The following PPP1R8 variants were observed in gnomAD, a reference collection of about 807,000 sequenced individuals.
The protein encoded by PPP1R8 is nuclear inhibitor of protein phosphatase 1.
PPP1R8 carries 4 observed loss-of-function variants against 31.3 expected under a neutral mutation model. The observed-to-expected ratio is 0.13, with a 90% CI of 0.06 to 0.29. The LOEUF (loss-of-function observed/expected upper bound fraction) is 0.29, where lower values mean the gene tolerates loss of function less well. PPP1R8 is among the 10% of genes least tolerant of loss of function. The pLI is 1.00. For synonymous variants in PPP1R8, 170 were observed against 169.7 expected, an observed-to-expected ratio of 1.00 and a Z score of -0.01; for missense variants, 254 against 440.1, an observed-to-expected ratio of 0.58 and a Z score of 3.78.
intron 6 of PPP1R8, among the ~76,000 whole-genome samples, chr1:27,848,984 C>T (rs762041634): frequency 2.6e-5 from 4 of 152,194 alleles, no homozygotes; most frequent in Admixed American, 1.3e-4. Flanking sequence ...AAAGTTGCCT[C>T]GTAGCCCTTT....
chr1:27,845,389 CAA>C (rs1207406108), intron 5 of PPP1R8, among the ~76,000 whole-genome samples: 3 of 124,000 alleles, frequency 2.4e-5, no homozygotes, highest in East Asian at 2.2e-4. Flanking sequence ...GACTCCGTTT[CAA>C]AAAAAAAAAA....
chr1:27,838,666 A>T (rs892539674), intron 2 of PPP1R8, 33 bp from the exon 3 acceptor site: 1 of 1,359,710 alleles, frequency 7.4e-7, no homozygotes, highest in Non-Finnish European at 9.8e-7. Context: ...TTGAAACAAG[A>T]TTTAAGTAAT....
intron 2 of PPP1R8, chr1:27,834,694 C>T: frequency 2.8e-6 from 1 of 354,538 alleles, no homozygotes; most frequent in Non-Finnish European, 5.6e-6. Flanking sequence ...TTCCTTGGTT[C>T]TAAGACATAC....
At chr1:27,831,235 T>G (rs1006108985) in intron 1 of PPP1R8, 5 of 1,058,526 alleles carry the variant, frequency 4.7e-6, no homozygotes, top group Non-Finnish European at 5.7e-6. Flanking sequence ...GCATCGCATC[T>G]GGCCCCTTCC....
In PPP1R8 at chr1:27,850,454, G is replaced by A. The variant is rs776673307; in HGVS notation, c.*8G>A. On this transcript the variant is annotated 3_prime_UTR_variant, in exon 7 of 7. Coordinates refer to ENST00000311772, the MANE Select transcript of PPP1R8 (RefSeq NM_014110.5). ...CCTTCCTTGCTGATTTGATATTTTTGGTCATGGAGAAGGGTGGGATTGGGT... is the reference window on the plus strand; with the variant it reads ...CCTTCCTTGCTGATTTGATATTTTTAGTCATGGAGAAGGGTGGGATTGGGT... 1 of 1,508,986 alleles carries A rather than the reference G, an allele frequency of 6.6e-7. No homozygotes were observed. Among genetic ancestry groups the A allele is most frequent in the Non-Finnish European group, 9.0e-7 (1 of 1,105,576 alleles). 93.5% of individuals were successfully genotyped at this position (1,508,986 alleles called of 1,614,324 possible). A position where few individuals can be genotyped will look rare whatever the true frequency, so the allele number is the denominator to read the frequency against.
chr1:27,836,453 T>A (rs944357186), intron 2 of PPP1R8, among the ~76,000 whole-genome samples: 3 of 152,204 alleles, frequency 2.0e-5, no homozygotes, highest in African/African-American at 7.2e-5. Context: ...TCTTGCTCTG[T>A]CGCCCAGGCT....
In PPP1R8 at chr1:27,850,805, G is replaced by A; in HGVS notation, c.*359G>A. The A allele has an allele frequency of 5.4e-6, 1 of 184,490 alleles. No homozygotes were observed. The highest frequency in any genetic ancestry group is 1.1e-5 in the Non-Finnish European group (1 of 88,454). 11.4% of individuals were successfully genotyped at this position (184,490 alleles called of 1,614,324 possible). ...TGAATCCAGAGCTGTAGAGGTTACA[G>A]TAGCATCACCAGCCTTGGGGGTCCA... is the stretch of plus-strand genomic sequence containing the variant. On this transcript the variant is annotated 3_prime_UTR_variant, in exon 7 of 7. Coordinates refer to ENST00000311772, the MANE Select transcript of PPP1R8 (RefSeq NM_014110.5).
chr1:27,830,802 T>G lies in PPP1R8; in HGVS notation c.-34T>G, dbSNP rs902600760. The stretch of plus-strand genomic sequence containing the variant: ...TCGGTCTTCCAGTTTCCCGGCGTGC[T>G]TAGGGCGCGCCAAATGGGAGGGGGA... On this transcript the variant is annotated 5_prime_UTR_variant, in exon 1 of 7. Coordinates refer to ENST00000311772, the MANE Select transcript of PPP1R8 (RefSeq NM_014110.5). 1 of 1,563,394 alleles carries G rather than the reference T, an allele frequency of 6.4e-7. No homozygotes were observed. The highest frequency in any genetic ancestry group is 1.2e-5 in the South Asian group (1 of 84,852).
At chr1:27,831,426 A>G (rs1041015634) in intron 1 of PPP1R8, 16 of 906,614 alleles carry the variant, frequency 1.8e-5, no homozygotes, top group Non-Finnish European at 2.1e-5. Context: ...AGTAGGCATT[A>G]GTAATGGTTG....
chr1:27,841,278 G>GT, intron 4 of PPP1R8, 44 bp downstream of exon 4: 2 of 1,599,632 alleles, frequency 1.3e-6, no homozygotes, highest in Non-Finnish European at 1.7e-6. Context: ...GGGGACCCTG[G>GT]TTTTTGGAGT....
At chr1:27,843,393 A>C (rs981628155) in intron 5 of PPP1R8, 63 bp downstream of exon 5, 14 of 1,599,150 alleles carry the variant, frequency 8.8e-6, no homozygotes, top group Non-Finnish European at 1.2e-5. Context: ...GCGGTGGCTC[A>C]CGCCTGTAGT....
intron 2 of PPP1R8, among the ~76,000 whole-genome samples, 181 bp downstream of exon 2, chr1:27,832,997 A>C (rs1017640671): frequency 3.3e-5 from 5 of 152,102 alleles, no homozygotes; most frequent in African/African-American, 1.2e-4. Flanking sequence ...TGTCTACCAC[A>C]GACACTCAAT....
intron 2 of PPP1R8, among the ~76,000 whole-genome samples, chr1:27,833,781 T>C (rs1222214374): frequency 6.6e-6 from 1 of 152,210 alleles, no homozygotes. Flanking sequence ...TGAAAAGCTA[T>C]CTGAGATCTT....
intron 5 of PPP1R8, among the ~76,000 whole-genome samples, chr1:27,845,811 A>T (rs2089274156): frequency 1.2e-5 from 1 of 84,110 alleles, no homozygotes; most frequent in African/African-American, 8.7e-5. Flanking sequence ...TTTTTTTGAG[A>T]CGGAGTCTCC....
chr1:27,842,811 A>G (rs1283683183), intron 4 of PPP1R8, among the ~76,000 whole-genome samples: 4 of 152,202 alleles, frequency 2.6e-5, no homozygotes, highest in Non-Finnish European at 5.9e-5. Flanking sequence ...CGTTCCTTCC[A>G]GCCACATTTC....
intron 5 of PPP1R8, among the ~76,000 whole-genome samples, chr1:27,843,991 T>G (rs2089248020): frequency 6.6e-6 from 1 of 152,152 alleles, no homozygotes; most frequent in African/African-American, 2.4e-5. Context: ...AATTTATATG[T>G]TTTTTAATTT....
At chr1:27,846,997 A>G in intron 5 of PPP1R8, 31 bp from the exon 6 acceptor site, 1 of 1,601,752 alleles carries the variant, frequency 6.2e-7, no homozygotes, top group Non-Finnish European at 8.6e-7. Context: ...GTAAAGTACC[A>G]ACCCAACCCT....
intron 4 of PPP1R8, among the ~76,000 whole-genome samples, chr1:27,841,799 G>A (rs2148617721): frequency 6.6e-6 from 1 of 152,194 alleles, no homozygotes; most frequent in Admixed American, 6.6e-5. Context: ...TCTTCCATGG[G>A]CCTCGCTGTC....
At chr1:27,833,633 GA>G (rs1571544187) in intron 2 of PPP1R8, among the ~76,000 whole-genome samples, 2 of 152,136 alleles carry the variant, frequency 1.3e-5, no homozygotes, top group East Asian at 3.8e-4. Flanking sequence ...ATGTAGCTGT[GA>G]GTCTCCCATA....
Sources: gnomAD v4.1 joint callset for allele counts (sites outside exome capture counted in the v4.1 genomes callset) on GRCh38, gnomAD v4.1.1 for gene constraint, MANE v1.5 for transcripts, NCBI Gene and HGNC (gene_info 2026-07-23, HGNC 2026-07-21) for gene names.